Variants in MEGF10 observed in about 807,000 individuals in gnomAD.
MEGF10 encodes multiple epidermal growth factor-like domains protein 10.
Under a neutral mutation model 147.5 loss-of-function variants are expected in MEGF10, and 86 were observed. That is an observed-to-expected ratio of 0.58 (90% CI 0.49 to 0.70). The LOEUF (loss-of-function observed/expected upper bound fraction) is 0.70, where lower values mean the gene tolerates loss of function less well. MEGF10 is among the 30% of genes least tolerant of loss of function. The pLI, the probability that MEGF10 is intolerant of heterozygous loss-of-function variation, is 0.00. For synonymous variants in MEGF10, 478 were observed against 525.5 expected (o/e 0.91, Z 1.24); for missense variants, 1,329 against 1,487.3 (o/e 0.89, Z 1.75).
chr5:127,246,010 G>C, the MEGF10 span, among the ~76,000 whole-genome samples: 1 of 152,186 alleles, frequency 6.6e-6, no homozygotes, highest in South Asian at 2.1e-4. Flanking sequence ...GTTGGTGGGA[G>C]TGTAAATTAG....
chr5:127,438,640 G>A, intron 17 of MEGF10, 73 bp downstream of exon 17: 2 of 1,532,932 alleles, frequency 1.3e-6, no homozygotes, highest in Non-Finnish European at 1.8e-6. Flanking sequence ...CCCTCCGCAT[G>A]CGTGACTGGA....
chr5:127,418,368 T>C (rs527502154), intron 10 of MEGF10, among the ~76,000 whole-genome samples: 1 of 152,350 alleles, frequency 6.6e-6, no homozygotes, highest in African/African-American at 2.4e-5. Flanking sequence ...TAAAGGAGAA[T>C]GTGTTGTTCT....
chr5:127,351,214 A>G lies in MEGF10; in HGVS notation c.319+10584A>G, dbSNP rs182562076. On this transcript the variant is annotated intron_variant, in intron 4 of 24. Transcript: ENST00000503335. The stretch of plus-strand genomic sequence containing the variant: ...TTTTTCATACTGAAGCTATTTTTTT[A>G]TCTGTGTAAAAAACTGGAAAACAGA... 2.4e-3 allele frequency among the ~76,000 whole-genome samples: 363 copies of G among 152,160 alleles called. 1 individual carries two copies. Among genetic ancestry groups the G allele is most frequent in the African/African-American group, 8.2e-3 (340 of 41,518 alleles).
intron 5 of MEGF10, among the ~76,000 whole-genome samples, chr5:127,390,999 G>A (rs1763635841): frequency 6.6e-6 from 1 of 151,674 alleles, no homozygotes. Context: ...AGTGTCTGTG[G>A]GCATGCTAAG....
chr5:127,339,865 G>A (rs149331142), intron 3 of MEGF10, among the ~76,000 whole-genome samples: 52 of 152,156 alleles, frequency 3.4e-4, no homozygotes, highest in African/African-American at 1.0e-3. Flanking sequence ...AGCATTTCCC[G>A]CCTGTCACAT....
chr5:127,332,243 G>T (rs1370939944), intron 2 of MEGF10, among the ~76,000 whole-genome samples: 1 of 152,170 alleles, frequency 6.6e-6, no homozygotes, highest in South Asian at 2.1e-4. Flanking sequence ...CTGCTCTAAT[G>T]TGCTACTTGA....
At chr5:127,406,021 A>T (rs1369795983) in intron 8 of MEGF10, among the ~76,000 whole-genome samples, 2 of 152,158 alleles carry the variant, frequency 1.3e-5, no homozygotes, top group Non-Finnish European at 2.9e-5. Flanking sequence ...TCCATTTAAC[A>T]TCTTATTATA....
the MEGF10 span, among the ~76,000 whole-genome samples, chr5:127,230,375 C>G: frequency 3.0e-4 from 45 of 152,112 alleles, no homozygotes; most frequent in Non-Finnish European, 2.6e-4. Flanking sequence ...AGGCTTGAAG[C>G]TAACTGCATG....
At chr5:127,312,834 T>A (rs1226578521) in intron 1 of MEGF10, among the ~76,000 whole-genome samples, 1 of 152,204 alleles carries the variant, frequency 6.6e-6, no homozygotes, top group African/African-American at 2.4e-5. Flanking sequence ...TAGCTTTCAA[T>A]CTTAGAAAGG....
At chr5:127,419,073 T>C (rs1442730630) in intron 10 of MEGF10, 47 bp from the exon 11 acceptor site, 3 of 1,574,294 alleles carry the variant, frequency 1.9e-6, no homozygotes, top group Non-Finnish European at 1.7e-6. Flanking sequence ...GTTGGCCTTA[T>C]TTCAGTTGGC....
chr5:127,274,879 A>T, the MEGF10 span, among the ~76,000 whole-genome samples: 1 of 152,108 alleles, frequency 6.6e-6, no homozygotes, highest in Non-Finnish European at 1.5e-5. Flanking sequence ...TTTCTAGAAA[A>T]GCCCTTGCTT....
intron 18 of MEGF10, among the ~76,000 whole-genome samples, chr5:127,442,502 C>T (rs1765790674): frequency 6.6e-6 from 1 of 152,170 alleles, no homozygotes; most frequent in South Asian, 2.1e-4. Flanking sequence ...ATCAGCAAAA[C>T]TTGTTGTTTG....
chr5:127,404,315 A>G (rs1466348536), intron 8 of MEGF10, among the ~76,000 whole-genome samples: 1 of 151,484 alleles, frequency 6.6e-6, no homozygotes. Context: ...TTGGAATATT[A>G]GACTTTTTCC....
intron 1 of MEGF10, among the ~76,000 whole-genome samples, chr5:127,320,506 C>T (rs915717024): frequency 6.6e-6 from 1 of 152,124 alleles, no homozygotes; most frequent in African/African-American, 2.4e-5. Context: ...GCATGTGGCA[C>T]TTTATCTACT....
At chr5:127,372,537 C>G (rs1717796028) in intron 5 of MEGF10, among the ~76,000 whole-genome samples, 1 of 152,188 alleles carries the variant, frequency 6.6e-6, no homozygotes, top group East Asian at 1.9e-4. Flanking sequence ...CCAGCTCAGG[C>G]CAACACACTA....
chr5:127,337,058 C>T (rs139135125), intron 2 of MEGF10, among the ~76,000 whole-genome samples: 11 of 152,168 alleles, frequency 7.2e-5, no homozygotes, highest in African/African-American at 1.2e-4. Flanking sequence ...TTTATTCGGG[C>T]GCAAAATTTG....
At chr5:127,312,667 A>G (rs1412109199) in intron 1 of MEGF10, among the ~76,000 whole-genome samples, 2 of 152,192 alleles carry the variant, frequency 1.3e-5, no homozygotes, top group East Asian at 1.9e-4. Context: ...TTGCACTCCA[A>G]TACCAAACCA....
chr5:127,362,375 ATT>A (rs551189127), intron 4 of MEGF10, among the ~76,000 whole-genome samples: 1 of 113,670 alleles, frequency 8.8e-6, no homozygotes, highest in African/African-American at 3.2e-5. Flanking sequence ...AAAAATTATT[ATT>A]TTTTTTTTTT....
chr5:127,342,520 T>C (rs1250422174), intron 4 of MEGF10, among the ~76,000 whole-genome samples: 1 of 152,132 alleles, frequency 6.6e-6, no homozygotes, highest in African/African-American at 2.4e-5. Context: ...GGATGCTAGA[T>C]TTCACTGGCA....
Sources: allele counts gnomAD v4.1 joint callset (sites outside exome capture counted in the v4.1 genomes callset), GRCh38; gene constraint gnomAD v4.1.1; transcripts MANE v1.5; gene names NCBI Gene and HGNC (gene_info 2026-07-23, HGNC 2026-07-21).